Variants in ABCA9 observed in about 807,000 individuals in gnomAD.
ABCA9 encodes the protein ATP binding cassette subfamily A member 9, also known as ATP-binding cassette sub-family A member 9.
In ABCA9, 183 loss-of-function variants were observed where a neutral mutation model predicts 205.3. The ratio of observed to expected loss-of-function variants is 0.89; its 90% CI spans 0.79 to 1.01. The LOEUF is 1.01. ABCA9 is among the 50% of genes least tolerant of loss of function. The pLI is 0.00. For synonymous variants in ABCA9, 651 were observed against 683.3 expected (o/e 0.95, Z 0.74); for missense variants, 1,805 against 1,912.4 (o/e 0.94, Z 1.05).
chr17:69,071,360 G>A, the ABCA9 span, among the ~76,000 whole-genome samples: 7 of 152,250 alleles, frequency 4.6e-5, no homozygotes, highest in South Asian at 1.2e-3. Flanking sequence ...GGCATCTGGC[G>A]GGTGCCCCTC....
rs540282150 is a variant in ABCA9 at position 69,015,034 on chromosome 17, C to G, written c.3039+1219G>C. On this transcript the variant is annotated intron_variant, in intron 22 of 38. Coordinates refer to ENST00000340001, the MANE Select transcript of ABCA9 (RefSeq NM_080283.4). ...GAGAAAGCATGATGTCTCCCCAGCA[C>G]CAGTTCCATAGGAAGAGCTCCAGCT... 3.9e-5 allele frequency among the ~76,000 whole-genome samples: 6 copies of G among 152,258 alleles called. No individual in the cohort carries two copies. The South Asian group carries it at 1.2e-3, about 32-fold the overall frequency.
chr17:69,068,304 A>T, the ABCA9 span, among the ~76,000 whole-genome samples: 1 of 152,308 alleles, frequency 6.6e-6, no homozygotes, highest in African/African-American at 2.4e-5. Flanking sequence ...CCTTAAGAAG[A>T]TATCAAGCCA....
the ABCA9 span, among the ~76,000 whole-genome samples, chr17:69,068,835 T>C: frequency 1.5e-4 from 23 of 152,260 alleles, no homozygotes; most frequent in Admixed American, 1.2e-3. Context: ...GACTAATGTG[T>C]GCAGGGGGCA....
chr17:68,976,102 A>G (rs369941926), intron 38 of ABCA9, 33 bp downstream of exon 38: 2 of 1,607,434 alleles, frequency 1.2e-6, no homozygotes, highest in South Asian at 1.1e-5. Flanking sequence ...TGTATATTCC[A>G]TGGATGATAT....
At chr17:68,999,310 T>C (rs1413646866) in intron 25 of ABCA9, among the ~76,000 whole-genome samples, 1 of 125,464 alleles carries the variant, frequency 8.0e-6, no homozygotes, top group African/African-American at 3.0e-5. Context: ...CAGAGTGTGA[T>C]GTTCCCCTTC....
rs961653038 is a variant in ABCA9, at chr17:69,016,110, A to G, written c.3039+143T>C. ...GATTTATATGTGTGTGTGTATATAT[A>G]TATATATATATATACACACACACAC... is the stretch of plus-strand genomic sequence containing the variant. On this transcript the variant is annotated intron_variant, in intron 22 of 38. Coordinates refer to ENST00000340001, the MANE Select transcript of ABCA9 (RefSeq NM_080283.4). 250 of 251,062 alleles carry G rather than the reference A, an allele frequency of 1.0e-3. 1 individual carries two copies. The highest frequency in any genetic ancestry group is 1.4e-3 in the Admixed American group (20 of 14,620). The allele number at this position is 251,062 out of a possible 1,614,324, so 15.6% of individuals were successfully genotyped here.
intron 25 of ABCA9, among the ~76,000 whole-genome samples, chr17:69,005,352 T>C (rs1304675029): frequency 1.3e-5 from 2 of 152,102 alleles, no homozygotes; most frequent in Non-Finnish European, 2.9e-5. Context: ...TGTCAAGGGG[T>C]GGGCACCCTA....
Position 68,975,733 on chromosome 17 carries a change from C to G in ABCA9, c.*182G>C. ...CTGCATGGTATGGCTTAGGCTTATG[C>G]CCTATGATCGCCCTCACTGACATCG... is the stretch of plus-strand genomic sequence containing the variant. On this transcript the variant is annotated 3_prime_UTR_variant, in exon 39 of 39. Coordinates refer to ENST00000340001, the MANE Select transcript of ABCA9 (RefSeq NM_080283.4). 1 of 583,410 alleles carries G rather than the reference C, an allele frequency of 1.7e-6. No individual in the cohort carries two copies. 36.1% of individuals were successfully genotyped at this position (583,410 alleles called of 1,614,324 possible).
At chr17:69,051,460 G>A (rs752762498) in intron 1 of ABCA9, 18 of 265,090 alleles carry the variant, frequency 6.8e-5, no homozygotes, top group Admixed American at 5.4e-4. Flanking sequence ...GGAACTTTCC[G>A]CCTTGTTGTT....
rs1214303476 is a variant in ABCA9, at chr17:68,986,151, C to T, written c.4208+13G>A. Reference sequence around the variant, plus strand: ...CCCTCCAGCAAAGGGGAGTGCCCCCCAGTCCCAGGTACCGTGTGATGGCGA... The same window carrying T: ...CCCTCCAGCAAAGGGGAGTGCCCCCTAGTCCCAGGTACCGTGTGATGGCGA... On this transcript the variant is annotated intron_variant, in intron 32 of 38. Coordinates refer to ENST00000340001, the MANE Select transcript of ABCA9 (RefSeq NM_080283.4). 3 of 1,591,556 alleles carry T rather than the reference C, an allele frequency of 1.9e-6. No homozygotes were observed. The highest frequency in any genetic ancestry group is 2.6e-6 in the Non-Finnish European group (3 of 1,168,662).
chr17:69,017,997 C>T, intron 20 of ABCA9: 1 of 499,016 alleles, frequency 2.0e-6, no homozygotes, highest in Non-Finnish European at 3.5e-6. Context: ...CTAGGCATTT[C>T]ATTATAATTT....
upstream of ABCA9, among the ~76,000 whole-genome samples, chr17:69,065,791 C>A (rs186606210): frequency 6.6e-6 from 1 of 152,140 alleles, no homozygotes; most frequent in Non-Finnish European, 1.5e-5. Flanking sequence ...TTCCCATAAT[C>A]CCCATGTGTC....
chr17:68,985,165 C>T, intron 32 of ABCA9, 37 bp from the exon 33 acceptor site: 1 of 1,613,690 alleles, frequency 6.2e-7, no homozygotes, highest in Non-Finnish European at 8.5e-7. Flanking sequence ...AATCCCAACA[C>T]TGGCGAATGT....
In ABCA9 at chr17:69,012,058, T is replaced by C; in HGVS notation, c.3065A>G (p.Tyr1022Cys). 6.2e-7 allele frequency: 1 copy of C among 1,613,008 alleles called. No individual in the cohort carries two copies. The change falls in exon 23 of 39, where the codon TAC becomes TGC. Residue 1022 changes from tyrosine (Y) to cysteine (C), a missense_variant. Tyr to Cys is a radical substitution (Grantham distance 194). Transcript: ENST00000340001. ...FEEHMDYEYGYRSNTFFWIPM... is the reference protein window; with the variant it reads ...FEEHMDYEYGCRSNTFFWIPM... Reference sequence around the variant, plus strand: ...TATCCAGAAGAAGGTGTTACTTCGGTACCCATACTCATAATCCATATGCTC... The same window carrying C: ...TATCCAGAAGAAGGTGTTACTTCGGCACCCATACTCATAATCCATATGCTC...
chr17:68,996,071 G>T, intron 25 of ABCA9, 57 bp from the exon 26 acceptor site: 1 of 1,561,476 alleles, frequency 6.4e-7, no homozygotes, highest in East Asian at 2.3e-5. Flanking sequence ...ATTTTAGGAT[G>T]TTTTCTAAGA....
At chr17:69,002,910 G>A (rs1477792858) in intron 25 of ABCA9, among the ~76,000 whole-genome samples, 2 of 143,230 alleles carry the variant, frequency 1.4e-5, no homozygotes, top group African/African-American at 5.4e-5. Flanking sequence ...TTGGTTTAAA[G>A]TCTGTTTTAT....
the ABCA9 span, among the ~76,000 whole-genome samples, chr17:69,078,325 C>T: frequency 3.3e-5 from 5 of 151,972 alleles, no homozygotes; most frequent in East Asian, 5.8e-4. Context: ...CTCAGCCTCC[C>T]GAATAGCTAG....
intron 9 of ABCA9, 40 bp from the exon 10 acceptor site, chr17:69,032,316 CGCTTCAAGGATTCCATCA>C: frequency 2.5e-6 from 4 of 1,582,606 alleles, no homozygotes; most frequent in Non-Finnish European, 3.4e-6. Flanking sequence ...GGTCAGTCAT[CGCTTCAAGGATTCCATCA>C]GCATATCAGT....
chr17:69,045,167 G>C lies in ABCA9; in HGVS notation c.469+5C>G. On this transcript the variant is annotated splice_donor_5th_base_variant and intron_variant, in intron 4 of 38. Transcript: ENST00000340001. Reference sequence around the variant, plus strand: ...AAAAAAATTTTTTTCTTCTTCAAAAGTTACCTGAATGGTCTCTGTGCTCTT... The same window carrying C: ...AAAAAAATTTTTTTCTTCTTCAAAACTTACCTGAATGGTCTCTGTGCTCTT... 6.2e-7 allele frequency: 1 copy of C among 1,609,758 alleles called. No individual in the cohort carries two copies. Among genetic ancestry groups the C allele is most frequent in the Middle Eastern group, 1.7e-4 (1 of 6,032 alleles).
Sources: allele counts gnomAD v4.1 joint callset (sites outside exome capture counted in the v4.1 genomes callset), GRCh38; gene constraint gnomAD v4.1.1; transcripts MANE v1.5; gene names NCBI Gene and HGNC (gene_info 2026-07-23, HGNC 2026-07-21).